Variants in CLU observed in about 807,000 individuals in gnomAD.
CLU encodes the protein clusterin, also known as aging-associated protein 4.
Under a neutral mutation model 46.4 loss-of-function variants are expected in CLU, and 25 were observed. The ratio of observed to expected loss-of-function variants is 0.54; its 90% confidence interval spans 0.39 to 0.75. The LOEUF is 0.75. Ranked by LOEUF, CLU falls within the 30% of genes least tolerant of loss-of-function variation. CLU has a pLI of 0.00. For synonymous variants in CLU, 235 were observed against 235.1 expected (o/e 1.00, Z 0.00); for missense variants, 504 against 592.1 (o/e 0.85, Z 1.54).
Position 27,597,357 on chromosome 8 carries a change from G to C in CLU, c.*884C>G. Reference sequence around the variant, plus strand: ...TGGCAGCGTAGGGTACTGCAGCCCAGCTATGGTTCAGACTAAAAGCCGAGA... The same window carrying C: ...TGGCAGCGTAGGGTACTGCAGCCCACCTATGGTTCAGACTAAAAGCCGAGA... On this transcript the variant is annotated 3_prime_UTR_variant, in exon 9 of 9. Coordinates refer to ENST00000316403, the MANE Select transcript of CLU (RefSeq NM_001831.4). 1 of 454,514 alleles carries C rather than the reference G, an allele frequency of 2.2e-6. No individual in the cohort carries two copies. The highest frequency in any genetic ancestry group is 6.9e-4 in the Middle Eastern group (1 of 1,444). 28.2% of individuals were successfully genotyped at this position (454,514 alleles called of 1,614,324 possible).
At chr8:27,609,980 G>A (rs1417017815) in intron 2 of CLU, among the ~76,000 whole-genome samples, 1 of 152,060 alleles carries the variant, frequency 6.6e-6, no homozygotes, top group African/African-American at 2.4e-5. Context: ...GGGGGGTGGG[G>A]GGAGTGTCAT....
In CLU at chr8:27,606,436, T is replaced by G. The variant is rs1461611022; in HGVS notation, c.335A>C (p.Glu112Ala). 6.2e-7 allele frequency: 1 copy of G among 1,614,100 alleles called. No individual in the cohort carries two copies. Among genetic ancestry groups the G allele is most frequent in the Non-Finnish European group, 8.5e-7 (1 of 1,180,054 alleles). ...GGTCTGTTTCAGGCAGGGCTTACAC[T>G]CTTCCCAGAGGGCCATCATGGTCTC... ...CNETMMALWEECKPCLKQTCM... is the reference protein window; with the variant it reads ...CNETMMALWEACKPCLKQTCM... The change falls in exon 4 of 9, where the codon GAG (glutamate) becomes GCG (alanine). Residue 112 changes from glutamate (E) to alanine (A), a missense_variant. By Grantham distance (107) the Glu-to-Ala change is moderately radical. Around this residue, in one of 3 missense-constraint regions of CLU, gnomAD observed 428 missense variants for 484.0 expected, o/e 0.88. Coordinates refer to ENST00000316403, the MANE Select transcript of CLU (RefSeq NM_001831.4).
intron 5 of CLU, 111 bp from the exon 6 acceptor site, chr8:27,604,506 T>C: frequency 3.3e-6 from 3 of 920,092 alleles, no homozygotes; most frequent in Non-Finnish European, 5.1e-6. Flanking sequence ...AGGGTCTCAC[T>C]CTGTTGCCCA....
Position 27,605,150 on chromosome 8 carries a change from C to G in CLU, c.603G>C (p.Gln201His), listed in dbSNP as rs746401654. ...FQDRFFTREP[Q>H]DTYHYLPFSL... ...TGAAGGGCAGGTAGTGGTAGGTATC[C>G]TGGGGCTCCCGGGTGAAGAACCTGT... Residue 201 changes from glutamine (Q) to histidine (H), a missense_variant, in exon 5 of 9, where the codon CAG becomes CAC. Physicochemically the swap from Gln to His is conservative, Grantham distance 24. Transcript: ENST00000316403. The G allele has an allele frequency of 8.1e-6, 13 of 1,614,058 alleles. 1 individual carries two copies. In the African/African-American group the frequency reaches 1.7e-4, roughly 22 times the overall value.
chr8:27,612,953 C>T (rs1015440081), intron 1 of CLU, among the ~76,000 whole-genome samples: 8 of 4,558 alleles, frequency 1.8e-3, no homozygotes, highest in South Asian at 5.2e-3. Context: ...GAGAAGATGG[C>T]GGGGGGTGGG....
At chr8:27,610,093 C>T (rs1489936681) in intron 2 of CLU, among the ~76,000 whole-genome samples, 1 of 152,084 alleles carries the variant, frequency 6.6e-6, no homozygotes, top group African/African-American at 2.4e-5. Flanking sequence ...CAGAAACCGT[C>T]AGCTCACAGG....
Position 27,610,577 on chromosome 8 carries a change from C to A in CLU, c.-6G>T. On this transcript the variant is annotated 5_prime_UTR_variant, in exon 2 of 9. Coordinates refer to ENST00000316403, the MANE Select transcript of CLU (RefSeq NM_001831.4). ...AGCAGCAGAGTCTTCATCATGCCTC[C>A]AATTCTGGAGTCTTTGCACGCCTCT... 1 of 1,614,004 alleles carries A rather than the reference C, an allele frequency of 6.2e-7. No homozygotes were observed. The highest frequency in any genetic ancestry group is 8.5e-7 in the Non-Finnish European group (1 of 1,179,838).
In CLU at chr8:27,608,664, T is replaced by G; in HGVS notation, c.246+274A>C. On this transcript the variant is annotated intron_variant, in intron 3 of 8. Coordinates refer to ENST00000316403, the MANE Select transcript of CLU (RefSeq NM_001831.4). ...ATCCAGAGCCTGCTTGGAACTAGCATGTGATCAGGGCTTAGAAACATCTAT... is the reference window on the plus strand; with the variant it reads ...ATCCAGAGCCTGCTTGGAACTAGCAGGTGATCAGGGCTTAGAAACATCTAT... 5.3e-6 allele frequency: 3 copies of G among 565,768 alleles called. No homozygotes were observed. In the South Asian group the frequency reaches 6.1e-5, roughly 12 times the overall value. 35.0% of individuals were successfully genotyped at this position (565,768 alleles called of 1,614,324 possible). A position where few individuals can be genotyped will look rare whatever the true frequency, so the allele number is the denominator to read the frequency against.
At chr8:27,611,788 G>A (rs1369428450) in intron 1 of CLU, 10 of 456,482 alleles carry the variant, frequency 2.2e-5, no homozygotes, top group Non-Finnish European at 3.5e-5. Context: ...TGGGGTCAGC[G>A]CCTTCCCCAG....
Position 27,599,839 on chromosome 8 carries a change from C to G in CLU, c.1105G>C (p.Val369Leu). The G allele has an allele frequency of 1.1e-5, 18 of 1,614,104 alleles. No homozygotes were observed. The highest frequency in any genetic ancestry group is 1.5e-5 in the Non-Finnish European group (18 of 1,180,002). ...TGCGTGAGGTTTGCCAGCCGGGACA[C>G]CCAGTTAAACTGCTCGTTCAGCTGC... ...LEQLNEQFNW[V>L]SRLANLTQGE... is the part of the protein sequence containing the mutation. The change falls in exon 7 of 9, where the codon GTG becomes CTG. Residue 369 changes from valine (V) to leucine (L), a missense_variant. Physicochemically the swap from Val to Leu is conservative, Grantham distance 32. Transcript: ENST00000316403. The surrounding 1 kb of genome is among the most constrained non-coding windows in gnomAD (Gnocchi z 4.0).
intron 6 of CLU, among the ~76,000 whole-genome samples, chr8:27,601,037 G>A (rs978516040): frequency 7.9e-5 from 12 of 152,240 alleles, no homozygotes; most frequent in African/African-American, 7.2e-5. Context: ...CTGTGGTTCT[G>A]GACAATCCTC....
chr8:27,600,008 G>C lies in CLU; in HGVS notation c.936C>G (p.Asp312Glu), dbSNP rs1800691472. Residue 312 changes from aspartate to glutamate, a missense_variant and splice_region_variant, in exon 7 of 9, where the codon GAC (aspartate) becomes GAG (glutamate). Physicochemically the swap from Asp to Glu is conservative, Grantham distance 45 (BLOSUM62 2). Around this residue, in one of 3 missense-constraint regions of CLU, gnomAD observed 428 missense variants for 484.0 expected, o/e 0.88. Coordinates refer to ENST00000316403, the MANE Select transcript of CLU (RefSeq NM_001831.4). ...CCTGGGAGGGGTTGTTGGTGGAACA[G>C]TCTGCCCAGAGATGGAAGAAACGCA... is the stretch of plus-strand genomic sequence containing the variant. ...CDKCREILSV[D>E]CSTNNPSQAK... is the part of the protein sequence containing the mutation. 1 of 1,613,394 alleles carries C rather than the reference G, an allele frequency of 6.2e-7. No individual in the cohort carries two copies. The highest frequency in any genetic ancestry group is 8.5e-7 in the Non-Finnish European group (1 of 1,179,342).
intron 2 of CLU, 85 bp downstream of exon 2, chr8:27,610,390 A>T: frequency 9.2e-7 from 1 of 1,091,100 alleles, no homozygotes; most frequent in South Asian, 1.2e-5. Context: ...GGGGCCTGAT[A>T]GAGAGGCACT....
At position 27,599,942 on chromosome 8, in the gene CLU, A is replaced by C. The variant is rs1390236701; in HGVS notation, c.1002T>G (p.Ala334=). 1 of 1,614,204 alleles carries C rather than the reference A, an allele frequency of 6.2e-7. No individual in the cohort carries two copies. The highest frequency in any genetic ancestry group is 8.5e-7 in the Non-Finnish European group (1 of 1,180,030). Residue 334 remains alanine, a synonymous_variant, in exon 7 of 9, where the codon GCT becomes GCG. Coordinates refer to ENST00000316403, the MANE Select transcript of CLU (RefSeq NM_001831.4). This position sits in a 1 kb window ranked among gnomAD's most constrained non-coding sequence, Gnocchi z 4.0. ...CGTTGTATTTCCTGGTCAACCTCTC[A>C]GCGACCTGGAGGGATTCGTCGAGCT... ...RRELDESLQV[A]ERLTRKYNEL...
At chr8:27,598,865 A>G (rs1800665557) in intron 7 of CLU, 1 of 571,990 alleles carries the variant, frequency 1.7e-6, no homozygotes, top group African/African-American at 1.9e-5. Flanking sequence ...GCAAATGACC[A>G]GCCCAGGGAG....
Position 27,604,998 on chromosome 8 carries a change from T to A in CLU, c.755A>T (p.His252Leu), listed in dbSNP as rs1488280852. ...AMFQPFLEMI[H>L]EAQQAMDIHF... ...GATGTCCATGGCCTGCTGAGCCTCGTGTATCATCTCAAGGAAGGGCTGGAA... is the reference window on the plus strand; with the variant it reads ...GATGTCCATGGCCTGCTGAGCCTCGAGTATCATCTCAAGGAAGGGCTGGAA... Residue 252 changes from histidine to leucine, a missense_variant, in exon 5 of 9, where the codon CAC (histidine) becomes CTC (leucine). Coordinates refer to ENST00000316403, the MANE Select transcript of CLU (RefSeq NM_001831.4). The A allele has an allele frequency of 1.9e-6, 3 of 1,613,906 alleles. No homozygotes were observed. The Admixed American group carries it at 5.0e-5, about 27-fold the overall frequency.
In CLU at chr8:27,599,766, G is replaced by A. The variant is rs202102322; in HGVS notation, c.1164+14C>T. 100 of 1,591,346 alleles carry A rather than the reference G, an allele frequency of 6.3e-5. No homozygotes were observed. Among genetic ancestry groups the A allele is most frequent in the South Asian group, 9.0e-5 (8 of 88,764 alleles). On this transcript the variant is annotated intron_variant, in intron 7 of 8. Transcript: ENST00000316403. This position sits in a 1 kb window ranked among gnomAD's most constrained non-coding sequence, Gnocchi z 4.0. ...GGCTCCCGAGCCACAGCATGTGGCC[G>A]GGACACAGCTCACCGTGGTGACCCG...
rs1359173538 is a variant in CLU at position 27,597,295 on chromosome 8, A to T, written c.*946T>A. On this transcript the variant is annotated 3_prime_UTR_variant, in exon 9 of 9. Transcript: ENST00000316403. ...ATGAACGAAAAGCCTGAGCTTTAAGACTGAGATTGGTACCACGGGTAGTCA... is the reference window on the plus strand; with the variant it reads ...ATGAACGAAAAGCCTGAGCTTTAAGTCTGAGATTGGTACCACGGGTAGTCA... The T allele has an allele frequency of 4.4e-6, 2 of 454,442 alleles. No homozygotes were observed. The highest frequency in any genetic ancestry group is 2.4e-5 in the Admixed American group (1 of 42,550). 28.2% of individuals were successfully genotyped at this position (454,442 alleles called of 1,614,324 possible).
chr8:27,606,594 G>A, intron 3 of CLU, 70 bp from the exon 4 acceptor site: 1 of 1,591,028 alleles, frequency 6.3e-7, no homozygotes, highest in Non-Finnish European at 8.6e-7. Context: ...GAGCTGCTGG[G>A]TGCCAGGCCC....
Sources: allele counts gnomAD v4.1 joint callset (sites outside exome capture counted in the v4.1 genomes callset), GRCh38; gene constraint gnomAD v4.1.1; regional missense constraint gnomAD v4.1.1; non-coding constraint Gnocchi (gnomAD v3.1); transcripts MANE v1.5; gene names NCBI Gene and HGNC (gene_info 2026-07-23, HGNC 2026-07-21).